PTPRD: variants seen among roughly 807,000 people sequenced by gnomAD.
PTPRD encodes the protein protein tyrosine phosphatase receptor type D, also known as receptor-type tyrosine-protein phosphatase delta.
In PTPRD, 34 loss-of-function variants were observed where a neutral mutation model predicts 214.5. That is an observed-to-expected ratio of 0.16 (90% CI 0.12 to 0.21). The LOEUF (loss-of-function observed/expected upper bound fraction) is 0.21. PTPRD is among the 10% of genes least tolerant of loss of function. The pLI is 1.00. For missense variants in PTPRD, 2,545 were observed against 2,398.7 expected, an observed-to-expected ratio of 1.06 and a Z score of -1.27; for synonymous variants, 1,128 against 845.7, an observed-to-expected ratio of 1.33 and a Z score of -5.79.
chr9:10,473,776 T>G (rs1360168687), intron 2 of PTPRD, among the ~76,000 whole-genome samples: 3 of 152,084 alleles, frequency 2.0e-5, no homozygotes, highest in Admixed American at 2.0e-4. Flanking sequence ...TTCTTGGAAG[T>G]TGTGTTAAAT....
At chr9:10,360,224 A>G (rs568980827) in intron 2 of PTPRD, among the ~76,000 whole-genome samples, 64 of 152,380 alleles carry the variant, frequency 4.2e-4, no homozygotes, top group African/African-American at 1.2e-3. Flanking sequence ...CCAGTCACTC[A>G]GAGCAAGTTG....
chr9:8,401,465 C>G (rs2092379565), intron 36 of PTPRD, among the ~76,000 whole-genome samples: 1 of 152,116 alleles, frequency 6.6e-6, no homozygotes, highest in South Asian at 2.1e-4. Flanking sequence ...GTCAAAAATT[C>G]AATTCTGTTT....
At chr9:10,278,636 A>T (rs35572094) in intron 3 of PTPRD, among the ~76,000 whole-genome samples, 143 of 152,324 alleles carry the variant, frequency 9.4e-4, no homozygotes, top group Non-Finnish European at 1.9e-3. Context: ...TAGAATATAA[A>T]CACAACACCA....
At chr9:9,160,709 G>T (rs1344705762) in intron 10 of PTPRD, among the ~76,000 whole-genome samples, 3 of 152,242 alleles carry the variant, frequency 2.0e-5, no homozygotes, top group Non-Finnish European at 2.9e-5. Context: ...AAAACAATAT[G>T]TTAAAGGGAT....
intron 8 of PTPRD, among the ~76,000 whole-genome samples, chr9:9,501,915 T>A (rs979732143): frequency 3.3e-5 from 5 of 151,934 alleles, no homozygotes; most frequent in African/African-American, 1.2e-4. Flanking sequence ...GTGGGATGCC[T>A]CTGAAGCAAT....
chr9:8,595,099 A>G (rs1404966007), intron 14 of PTPRD, among the ~76,000 whole-genome samples: 2 of 150,742 alleles, frequency 1.3e-5, no homozygotes, highest in African/African-American at 4.9e-5. Flanking sequence ...TCCTGACCTC[A>G]TGATCTGCCC....
At chr9:8,574,873 G>A (rs1004120769) in intron 14 of PTPRD, among the ~76,000 whole-genome samples, 5 of 151,870 alleles carry the variant, frequency 3.3e-5, no homozygotes, top group Non-Finnish European at 7.4e-5. Context: ...AGTCACAAAT[G>A]TAAAAATAAA....
At chr9:8,320,673 G>A (rs981322380) in intron 44 of PTPRD, among the ~76,000 whole-genome samples, 1 of 152,074 alleles carries the variant, frequency 6.6e-6, no homozygotes, top group Non-Finnish European at 1.5e-5. Context: ...ATGGTTAAGA[G>A]CCATTGATCT....
chr9:9,070,527 C>A (rs1252910557), intron 10 of PTPRD, among the ~76,000 whole-genome samples: 1 of 152,226 alleles, frequency 6.6e-6, no homozygotes, highest in African/African-American at 2.4e-5. Context: ...CATTCCTTCA[C>A]ATTTTGCCCA....
intron 9 of PTPRD, among the ~76,000 whole-genome samples, chr9:9,188,841 T>C (rs964684842): frequency 8.6e-5 from 12 of 139,338 alleles, no homozygotes; most frequent in Non-Finnish European, 1.6e-4. Context: ...TGTGTGTGTG[T>C]GTTGTGTGCA....
chr9:8,338,702 G>A (rs1204932206), intron 43 of PTPRD, among the ~76,000 whole-genome samples: 7 of 152,092 alleles, frequency 4.6e-5, no homozygotes, highest in African/African-American at 1.7e-4. Flanking sequence ...CAGATGTTAT[G>A]TTTGAATGAA....
intron 10 of PTPRD, among the ~76,000 whole-genome samples, chr9:9,079,790 C>A (rs923373973): frequency 2.0e-5 from 3 of 152,042 alleles, no homozygotes; most frequent in African/African-American, 7.2e-5. Context: ...AGATTTCTCA[C>A]ACCAAAATTC....
chr9:10,541,580 A>G (rs2059121184), intron 2 of PTPRD, among the ~76,000 whole-genome samples: 1 of 151,888 alleles, frequency 6.6e-6, no homozygotes, highest in African/African-American at 2.4e-5. Flanking sequence ...GTGTCAATAA[A>G]GAAAAAGTTA....
At chr9:8,636,922 A>C (rs1194861138) in intron 12 of PTPRD, 78 bp from the exon 13 acceptor site, 1 of 1,371,708 alleles carries the variant, frequency 7.3e-7, no homozygotes, top group Non-Finnish European at 1.0e-6. Flanking sequence ...TGCTCTCCCC[A>C]CCATCCTCAA....
intron 3 of PTPRD, among the ~76,000 whole-genome samples, chr9:10,299,359 C>T (rs2095792283): frequency 6.6e-6 from 1 of 152,088 alleles, no homozygotes; most frequent in South Asian, 2.1e-4. Flanking sequence ...ATGAATATGA[C>T]AAAGAACTTC....
intron 3 of PTPRD, among the ~76,000 whole-genome samples, chr9:10,222,065 C>T (rs1408912193): frequency 6.6e-6 from 1 of 151,892 alleles, no homozygotes; most frequent in African/African-American, 2.4e-5. Context: ...GTGTAAATTA[C>T]CCATGATCAC....
At chr9:8,966,846 C>T (rs2099198613) in intron 11 of PTPRD, among the ~76,000 whole-genome samples, 6 of 152,050 alleles carry the variant, frequency 3.9e-5, no homozygotes, top group Admixed American at 3.3e-4. Context: ...AAAATATTCA[C>T]AAACTGTGCA....
chr9:8,913,716 G>A (rs1035485843), intron 11 of PTPRD, among the ~76,000 whole-genome samples: 2 of 152,046 alleles, frequency 1.3e-5, no homozygotes, highest in Non-Finnish European at 2.9e-5. Flanking sequence ...TCCAAATGAA[G>A]AGTGACTAGA....
chr9:9,428,447 A>G (rs2081859458), intron 8 of PTPRD, among the ~76,000 whole-genome samples: 1 of 152,222 alleles, frequency 6.6e-6, no homozygotes, highest in Non-Finnish European at 1.5e-5. Context: ...CCCACACAAT[A>G]ATAATCGGAG....
Sources: gnomAD v4.1 joint callset for allele counts (sites outside exome capture counted in the v4.1 genomes callset) on GRCh38, gnomAD v4.1.1 for gene constraint, MANE v1.5 for transcripts, NCBI Gene and HGNC (gene_info 2026-07-23, HGNC 2026-07-21) for gene names.